The following CECR2 variants were observed in gnomAD, a reference collection of about 807,000 sequenced individuals.
CECR2 encodes chromatin remodeling regulator CECR2.
A neutral mutation model predicts 154.5 loss-of-function variants in CECR2; 30 were observed. That is an observed-to-expected ratio of 0.19 (90% CI 0.15 to 0.26). The LOEUF is 0.26. CECR2 is among the 10% of genes least tolerant of loss of function. CECR2 has a pLI of 1.00. For missense variants in CECR2, 1,743 were observed against 1,829.3 expected, an observed-to-expected ratio of 0.95 and a Z score of 0.86; for synonymous variants, 725 against 683.7, an observed-to-expected ratio of 1.06 and a Z score of -0.94.
intron 1 of CECR2, among the ~76,000 whole-genome samples, chr22:17,428,957 A>T (rs2054376849): frequency 6.6e-6 from 1 of 152,028 alleles, no homozygotes; most frequent in Admixed American, 6.6e-5. Context: ...TTGGTTGATG[A>T]TGGAGATAGC....
At chr22:17,477,952 A>T (rs148281946) in intron 2 of CECR2, among the ~76,000 whole-genome samples, 10 of 152,276 alleles carry the variant, frequency 6.6e-5, no homozygotes, top group Admixed American at 2.6e-4. Flanking sequence ...TTTAGTGTAG[A>T]ATTTCTTCTT....
At chr22:17,403,898 G>T (rs933348174) in intron 1 of CECR2, among the ~76,000 whole-genome samples, 4 of 152,094 alleles carry the variant, frequency 2.6e-5, no homozygotes, top group African/African-American at 9.7e-5. Flanking sequence ...ATGATATAAA[G>T]TACTGATCGA....
At chr22:17,445,636 GTGCAATCTTGGCTGAC>G (rs1354376421) in intron 1 of CECR2, among the ~76,000 whole-genome samples, 7 of 151,226 alleles carry the variant, frequency 4.6e-5, no homozygotes, top group African/African-American at 1.2e-4. Flanking sequence ...GAGTGCAGTG[GTGCAATCTTGGCTGAC>G]TGCAATCTTG....
At chr22:17,459,797 T>G (rs576262432) in intron 1 of CECR2, among the ~76,000 whole-genome samples, 1 of 152,328 alleles carries the variant, frequency 6.6e-6, no homozygotes, top group East Asian at 1.9e-4. Context: ...GAAACCTGGC[T>G]TTTCACATGG....
At chr22:17,447,109 A>C (rs1379652753) in intron 1 of CECR2, among the ~76,000 whole-genome samples, 1 of 136,338 alleles carries the variant, frequency 7.3e-6, no homozygotes, top group African/African-American at 2.8e-5. Flanking sequence ...ATCTCTGCTC[A>C]CTGTAAGCTC....
At chr22:17,455,418 A>C (rs2054837564) in intron 1 of CECR2, among the ~76,000 whole-genome samples, 1 of 152,090 alleles carries the variant, frequency 6.6e-6, no homozygotes, top group South Asian at 2.1e-4. Context: ...TCATCCTAGA[A>C]CCTTGTCTCT....
At chr22:17,414,731 T>G (rs535261283) in intron 1 of CECR2, among the ~76,000 whole-genome samples, 3 of 151,588 alleles carry the variant, frequency 2.0e-5, no homozygotes, top group Non-Finnish European at 4.4e-5. Flanking sequence ...GTTCTCATTG[T>G]TCATTTCCCA....
Position 17,470,951 on chromosome 22 carries a change from TCTC to T in CECR2, c.127-6634_127-6632del, listed in dbSNP as rs574681430. On this transcript the variant is annotated intron_variant, in intron 1 of 18. Coordinates refer to ENST00000262608, the MANE Select transcript of CECR2 (RefSeq NM_001290047.2). Reference sequence around the variant, plus strand: ...CAATTTCCAACTAATTCAGCAGTGATCTCCTAGTAGCAAGAGAATGATGACTCC... The same window carrying T: ...CAATTTCCAACTAATTCAGCAGTGATCTAGTAGCAAGAGAATGATGACTCC... Among the ~76,000 whole-genome samples, 17 of 152,322 alleles carry T rather than the reference TCTC, an allele frequency of 1.1e-4. 1 individual carries two copies. In the South Asian group the frequency reaches 3.3e-3, roughly 30 times the overall value.
intron 2 of CECR2, among the ~76,000 whole-genome samples, chr22:17,496,916 A>T (rs2055639661): frequency 6.6e-6 from 1 of 152,230 alleles, no homozygotes; most frequent in African/African-American, 2.4e-5. Flanking sequence ...TTGATAGTTG[A>T]CAAAACACAA....
rs1264174441 is a variant in CECR2, at chr22:17,504,736, C to T, written c.701-111C>T. ...GATTACAGGCTTGAGCCACCGCGCC[C>T]GGCCGAGTTCCTTATTTTAGTCATG... On this transcript the variant is annotated intron_variant, in intron 6 of 18. Coordinates refer to ENST00000262608, the MANE Select transcript of CECR2 (RefSeq NM_001290047.2). The T allele has an allele frequency of 8.0e-5, 78 of 974,202 alleles. 2 individuals carry two copies. The highest frequency in any genetic ancestry group is 6.8e-4 in the South Asian group (42 of 61,398). The allele number at this position is 974,202 out of a possible 1,614,324, so 60.3% of individuals were successfully genotyped here.
chr22:17,549,137 G>A lies in CECR2; in HGVS notation c.3850G>A (p.Asp1284Asn). 6.2e-7 allele frequency: 1 copy of A among 1,614,036 alleles called. No individual in the cohort carries two copies. The highest frequency in any genetic ancestry group is 8.5e-7 in the Non-Finnish European group (1 of 1,179,884). ...TCCTGGTCCAGAGGAAGAGAAGCTG[G>A]ATGAATCTATGGAGAGGCCAGAGAG... The part of the protein sequence containing the change: ...QNPGPEEEKL[D>N]ESMERPESPK... The change falls in exon 17 of 19, where the codon GAT becomes AAT. Residue 1284 changes from aspartate (D) to asparagine (N), a missense_variant. By Grantham distance (23) the Asp-to-Asn change is conservative. Coordinates refer to ENST00000262608, the MANE Select transcript of CECR2 (RefSeq NM_001290047.2).
chr22:17,363,175 G>A (rs1251595002), intron 1 of CECR2, among the ~76,000 whole-genome samples: 1 of 150,348 alleles, frequency 6.7e-6, no homozygotes, highest in Non-Finnish European at 1.5e-5. Context: ...TTGACTTACC[G>A]AGTAGCTGGG....
intron 1 of CECR2, among the ~76,000 whole-genome samples, chr22:17,404,592 C>T (rs920830131): frequency 2.2e-5 from 3 of 136,002 alleles, no homozygotes; most frequent in Non-Finnish European, 3.1e-5. Context: ...CCGGGATGGT[C>T]TCGATCTCCT....
In CECR2 at chr22:17,388,547, T is replaced by A. The variant is rs550975899; in HGVS notation, c.126+18638T>A. Among the ~76,000 whole-genome samples, 3 of 152,304 alleles carry A rather than the reference T, an allele frequency of 2.0e-5. No homozygotes were observed. In the South Asian group the frequency reaches 6.2e-4, roughly 32 times the overall value. On this transcript the variant is annotated intron_variant, in intron 1 of 18. Coordinates refer to ENST00000262608, the MANE Select transcript of CECR2 (RefSeq NM_001290047.2). The stretch of plus-strand genomic sequence containing the variant: ...AGTACTGCTAGTGAGACAGGAAAAC[T>A]GACATCCAGTGCGGGTTCTTGAGAG...
intron 1 of CECR2, among the ~76,000 whole-genome samples, chr22:17,416,752 T>C (rs919352896): frequency 6.6e-6 from 1 of 152,172 alleles, no homozygotes; most frequent in East Asian, 1.9e-4. Flanking sequence ...TCTGCCTGCC[T>C]CAGTCTCCCA....
chr22:17,449,217 G>C (rs934552034), intron 1 of CECR2, among the ~76,000 whole-genome samples: 21 of 151,706 alleles, frequency 1.4e-4, no homozygotes, highest in African/African-American at 4.8e-4. Flanking sequence ...TTCTTTTTTC[G>C]GCCCAGAGTG....
chr22:17,527,287 A>G (rs529263166), intron 9 of CECR2, among the ~76,000 whole-genome samples: 21 of 151,938 alleles, frequency 1.4e-4, no homozygotes, highest in South Asian at 6.2e-4. Flanking sequence ...GTAAAACCCC[A>G]TCTCTACAAA....
rs1555944499 is a variant in CECR2, at chr22:17,552,774, G to GTTTTTTGTTTTTTTT, written c.4390-55_4390-54insGTTTTTTTTTTTTTT. On this transcript the variant is annotated intron_variant, in intron 18 of 18. Coordinates refer to ENST00000262608, the MANE Select transcript of CECR2 (RefSeq NM_001290047.2). ...CTTGGACATTCTTTGGCTTACTTAA[G>GTTTTTTGTTTTTTTT]TTTTTTTTTTTTTAACAACCCAATT... 748 of 943,450 alleles carry GTTTTTTGTTTTTTTT rather than the reference G, an allele frequency of 7.9e-4. 9 individuals carry two copies. The highest frequency in any genetic ancestry group is 7.4e-4 in the South Asian group (46 of 61,858). The allele number at this position is 943,450 out of a possible 1,614,324, so 58.4% of individuals were successfully genotyped here.
chr22:17,522,005 C>T (rs1050231212), intron 8 of CECR2, among the ~76,000 whole-genome samples: 5 of 152,108 alleles, frequency 3.3e-5, no homozygotes, highest in Admixed American at 1.3e-4. Context: ...TTATTAAATA[C>T]GGAATCCTTT....
Sources: allele counts gnomAD v4.1 joint callset (sites outside exome capture counted in the v4.1 genomes callset), GRCh38; gene constraint gnomAD v4.1.1; transcripts MANE v1.5; gene names NCBI Gene and HGNC (gene_info 2026-07-23, HGNC 2026-07-21).